THSD7A: variants seen among roughly 807,000 people sequenced by gnomAD.
THSD7A encodes the protein thrombospondin type 1 domain containing 7A, also known as thrombospondin type-1 domain-containing protein 7A.
A neutral mutation model predicts 231.3 loss-of-function variants in THSD7A; 96 were observed. The observed-to-expected ratio is 0.41, with a 90% CI of 0.35 to 0.49. The LOEUF is 0.49. THSD7A is among the 20% of genes least tolerant of loss of function. The pLI is 0.05. For synonymous variants in THSD7A, 940 were observed against 743.3 expected (o/e 1.26, Z -4.30); for missense variants, 2,290 against 2,070.2 (o/e 1.11, Z -2.06).
rs183518668 is a variant in THSD7A at position 11,566,470 on chromosome 7, A to G, written c.1454-23353T>C. On this transcript the variant is annotated intron_variant, in intron 4 of 27. Coordinates refer to ENST00000423059, the MANE Select transcript of THSD7A (RefSeq NM_015204.3). Reference sequence around the variant, plus strand: ...AATCTGATGCAGTAATGTTTAGATCACCCTTTGAGGAACACAGCTATGAAG... The same window carrying G: ...AATCTGATGCAGTAATGTTTAGATCGCCCTTTGAGGAACACAGCTATGAAG... 2.0e-5 allele frequency among the ~76,000 whole-genome samples: 3 copies of G among 152,330 alleles called. No individual in the cohort carries two copies. The East Asian group carries it at 5.8e-4, about 29-fold the overall frequency.
chr7:11,457,363 TAG>T (rs898840732), intron 11 of THSD7A, among the ~76,000 whole-genome samples: 1 of 137,528 alleles, frequency 7.3e-6, no homozygotes, highest in African/African-American at 3.6e-5. Context: ...TTAAAAATGT[TAG>T]AGTTAAAGAG....
chr7:11,780,310 A>G (rs1562550468), intron 1 of THSD7A, among the ~76,000 whole-genome samples: 1 of 152,176 alleles, frequency 6.6e-6, no homozygotes, highest in Non-Finnish European at 1.5e-5. Flanking sequence ...GTTTCTTCCC[A>G]CACTGAATAA....
At chr7:11,450,954 T>G (rs1017604040) in intron 11 of THSD7A, among the ~76,000 whole-genome samples, 2 of 152,052 alleles carry the variant, frequency 1.3e-5, no homozygotes, top group Non-Finnish European at 2.9e-5. Context: ...TTATATCCAT[T>G]TACTTCATTT....
intron 2 of THSD7A, among the ~76,000 whole-genome samples, chr7:11,614,978 A>G (rs1362165583): frequency 6.6e-6 from 1 of 152,234 alleles, no homozygotes; most frequent in Non-Finnish European, 1.5e-5. Context: ...GATTGGAACC[A>G]ATGTTTTATA....
chr7:11,553,108 T>A (rs1018655733), intron 4 of THSD7A, among the ~76,000 whole-genome samples: 7 of 152,052 alleles, frequency 4.6e-5, no homozygotes, highest in Admixed American at 4.6e-4. Flanking sequence ...CCAGACAACA[T>A]AGCTGCTTCA....
At chr7:11,573,256 C>G (rs1011532693) in intron 4 of THSD7A, among the ~76,000 whole-genome samples, 1 of 152,206 alleles carries the variant, frequency 6.6e-6, no homozygotes, top group Non-Finnish European at 1.5e-5. Context: ...CAGGGTATCA[C>G]CCCACATGTA....
At chr7:11,487,799 T>C (rs949056309) in intron 6 of THSD7A, among the ~76,000 whole-genome samples, 2 of 152,194 alleles carry the variant, frequency 1.3e-5, no homozygotes, top group South Asian at 4.1e-4. Flanking sequence ...GACACCATTA[T>C]TTAATTATCT....
chr7:11,758,325 T>C (rs1025771392), intron 1 of THSD7A, among the ~76,000 whole-genome samples: 5 of 152,020 alleles, frequency 3.3e-5, no homozygotes, highest in African/African-American at 1.2e-4. Context: ...GTAGAAAACC[T>C]TTAAATGCTA....
At chr7:11,640,312 T>C (rs1782033162) in intron 1 of THSD7A, among the ~76,000 whole-genome samples, 1 of 152,164 alleles carries the variant, frequency 6.6e-6, no homozygotes, top group Admixed American at 6.5e-5. Context: ...TTCCAATCAA[T>C]TTATGATTCA....
chr7:11,567,905 A>G (rs553521811), intron 4 of THSD7A, among the ~76,000 whole-genome samples: 5 of 152,212 alleles, frequency 3.3e-5, no homozygotes, highest in Admixed American at 1.3e-4. Context: ...CTCCTTATAG[A>G]TTTTAAACTA....
intron 1 of THSD7A, among the ~76,000 whole-genome samples, chr7:11,673,840 C>A (rs1783517838): frequency 6.6e-6 from 1 of 152,058 alleles, no homozygotes; most frequent in Non-Finnish European, 1.5e-5. Flanking sequence ...AGGCCTGCTG[C>A]AGGGTGGATA....
intron 1 of THSD7A, among the ~76,000 whole-genome samples, chr7:11,665,426 A>G (rs1159650429): frequency 6.6e-6 from 1 of 152,084 alleles, no homozygotes; most frequent in Non-Finnish European, 1.5e-5. Flanking sequence ...AAATAAGGCA[A>G]ATGTGACTTG....
At chr7:11,494,572 T>C (rs946940569) in intron 6 of THSD7A, among the ~76,000 whole-genome samples, 1 of 152,054 alleles carries the variant, frequency 6.6e-6, no homozygotes, top group Non-Finnish European at 1.5e-5. Flanking sequence ...ATAATACTTA[T>C]GAATAGCTAC....
At chr7:11,605,598 A>G (rs935294547) in intron 2 of THSD7A, among the ~76,000 whole-genome samples, 13 of 152,156 alleles carry the variant, frequency 8.5e-5, no homozygotes, top group Non-Finnish European at 1.8e-4. Flanking sequence ...CAAGCACTCA[A>G]AAAATATAAG....
chr7:11,417,627 C>T, intron 16 of THSD7A, 24 bp from the exon 17 acceptor site: 9 of 1,591,502 alleles, frequency 5.7e-6, no homozygotes, highest in Non-Finnish European at 7.7e-6. Flanking sequence ...TAAACATATT[C>T]TAGAAAATAT....
chr7:11,560,353 C>A (rs977040313), intron 4 of THSD7A, among the ~76,000 whole-genome samples: 4 of 152,154 alleles, frequency 2.6e-5, no homozygotes, highest in African/African-American at 9.7e-5. Flanking sequence ...ACACCTATGA[C>A]ATGGTTCCTG....
chr7:11,578,783 A>C (rs1164558556), intron 4 of THSD7A, among the ~76,000 whole-genome samples: 1 of 152,228 alleles, frequency 6.6e-6, no homozygotes, highest in African/African-American at 2.4e-5. Context: ...AAAGCAAAAG[A>C]AAAGGAACTG....
chr7:11,508,242 C>T (rs938706510), intron 6 of THSD7A, among the ~76,000 whole-genome samples: 5 of 152,180 alleles, frequency 3.3e-5, no homozygotes, highest in Middle Eastern at 3.4e-3. Context: ...AGAATAACTG[C>T]ATTACAAAGT....
chr7:11,618,406 T>A (rs1191635593), intron 2 of THSD7A, among the ~76,000 whole-genome samples: 1 of 152,230 alleles, frequency 6.6e-6, no homozygotes, highest in Non-Finnish European at 1.5e-5. Flanking sequence ...TGTGTATGTG[T>A]AAAATCAGTA....
Sources: gnomAD v4.1 joint callset for allele counts (sites outside exome capture counted in the v4.1 genomes callset) on GRCh38, gnomAD v4.1.1 for gene constraint, MANE v1.5 for transcripts, NCBI Gene and HGNC (gene_info 2026-07-23, HGNC 2026-07-21) for gene names.